Variants in ASAP1 observed in about 807,000 individuals in gnomAD.
ASAP1 encodes ArfGAP with SH3 domain, ankyrin repeat and PH domain 1.
Under a neutral mutation model 145.2 loss-of-function variants are expected in ASAP1, and 43 were observed. That is an observed-to-expected ratio of 0.30 (90% CI 0.23 to 0.38). The LOEUF (loss-of-function observed/expected upper bound fraction) is 0.38, where lower values mean the gene tolerates loss of function less well. Among genes scored for constraint, ASAP1 ranks in the 10% least tolerant of loss-of-function variants. ASAP1 has a pLI of 1.00. For missense variants in ASAP1, 1,018 were observed against 1,355.3 expected (o/e 0.75, Z 3.91); for synonymous variants, 546 against 515.5 (o/e 1.06, Z -0.80).
intron 3 of ASAP1, among the ~76,000 whole-genome samples, chr8:130,261,078 C>T (rs770196455): frequency 2.6e-5 from 4 of 152,052 alleles, no homozygotes; most frequent in Non-Finnish European, 4.4e-5. Flanking sequence ...GTCACAGACC[C>T]CACTGTGAGG....
intron 29 of ASAP1, among the ~76,000 whole-genome samples, chr8:130,055,470 T>C (rs2097401869): frequency 6.6e-6 from 1 of 150,844 alleles, no homozygotes; most frequent in African/African-American, 2.4e-5. Context: ...CGGGGTACCA[T>C]ACTCAAATCA....
intron 1 of ASAP1, among the ~76,000 whole-genome samples, chr8:130,420,235 T>TACACAC (rs34138357): frequency 0.011 from 1,600 of 139,382 alleles, 34 homozygotes; most frequent in African/African-American, 0.04. Flanking sequence ...CATAATGAAA[T>TACACAC]ACACACACAC....
intron 2 of ASAP1, among the ~76,000 whole-genome samples, chr8:130,381,810 C>CA (rs1330042508): frequency 6.6e-6 from 1 of 152,192 alleles, no homozygotes; most frequent in African/African-American, 2.4e-5. Flanking sequence ...AGGGCCTTTG[C>CA]ACGTGCTGTT....
intron 13 of ASAP1, among the ~76,000 whole-genome samples, chr8:130,146,080 G>A (rs2097629306): frequency 6.7e-6 from 1 of 149,490 alleles, no homozygotes; most frequent in Non-Finnish European, 1.5e-5. Flanking sequence ...TCCAAGTCCT[G>A]GACTTAAGCC....
At chr8:130,419,678 C>T (rs7814745) in intron 1 of ASAP1, among the ~76,000 whole-genome samples, 145,799 of 152,014 alleles carry the variant, frequency 0.96, 70,137 homozygotes, top group Non-Finnish European at 1. Context: ...AGGGTGGTTT[C>T]AGCAACAGGG....
intron 28 of ASAP1, among the ~76,000 whole-genome samples, chr8:130,059,946 A>G (rs2097414337): frequency 2.0e-5 from 3 of 151,744 alleles, no homozygotes; most frequent in African/African-American, 7.3e-5. Context: ...AGGCGTAGTG[A>G]TATGTACCTT....
At chr8:130,152,303 A>T (rs2097648214) in intron 13 of ASAP1, among the ~76,000 whole-genome samples, 1 of 152,184 alleles carries the variant, frequency 6.6e-6, no homozygotes, top group Admixed American at 6.5e-5. Context: ...CATCTTTAAG[A>T]ACTGAAAAGA....
chr8:130,311,964 C>A (rs1443102686), intron 3 of ASAP1, among the ~76,000 whole-genome samples: 1 of 152,046 alleles, frequency 6.6e-6, no homozygotes, highest in Admixed American at 6.6e-5. Flanking sequence ...ATGAGAAGAT[C>A]CGAATTCAGC....
intron 11 of ASAP1, among the ~76,000 whole-genome samples, chr8:130,166,394 T>C (rs904598888): frequency 6.6e-6 from 1 of 152,212 alleles, no homozygotes; most frequent in Admixed American, 6.5e-5. Context: ...TTTATCCTTA[T>C]CATGAAGTCT....
intron 3 of ASAP1, among the ~76,000 whole-genome samples, chr8:130,342,197 A>G (rs1825429284): frequency 6.6e-6 from 1 of 152,162 alleles, no homozygotes; most frequent in South Asian, 2.1e-4. Context: ...GAGGATGAAG[A>G]AGGCAAATTG....
chr8:130,384,594 T>C (rs1372401427), intron 2 of ASAP1, among the ~76,000 whole-genome samples: 1 of 152,212 alleles, frequency 6.6e-6, no homozygotes, highest in Non-Finnish European at 1.5e-5. Context: ...TTCTTGAGCC[T>C]TGGCCTCCCG....
intron 24 of ASAP1, among the ~76,000 whole-genome samples, chr8:130,108,600 A>C (rs1035316190): frequency 3.9e-5 from 6 of 152,050 alleles, no homozygotes; most frequent in Admixed American, 1.3e-4. Context: ...GGAGTTCGTG[A>C]CCAGCCTGGC....
At chr8:130,423,364 CA>C (rs1447697014) in intron 1 of ASAP1, among the ~76,000 whole-genome samples, 5 of 152,174 alleles carry the variant, frequency 3.3e-5, no homozygotes, top group Non-Finnish European at 7.3e-5. Flanking sequence ...TGTATACTTG[CA>C]AAATTGCTCA....
chr8:130,328,280 C>T (rs932094932), intron 3 of ASAP1, among the ~76,000 whole-genome samples: 33 of 152,060 alleles, frequency 2.2e-4, no homozygotes, highest in African/African-American at 8.0e-4. Flanking sequence ...AAAACCAGGG[C>T]CAAGAGACCA....
chr8:130,277,313 C>T (rs902264225), intron 3 of ASAP1, among the ~76,000 whole-genome samples: 2 of 152,104 alleles, frequency 1.3e-5, no homozygotes, highest in African/African-American at 4.8e-5. Context: ...ACGAGGACAA[C>T]GGCTATAGGC....
chr8:130,419,141 C>A (rs1829612379), intron 1 of ASAP1, among the ~76,000 whole-genome samples: 1 of 152,136 alleles, frequency 6.6e-6, no homozygotes, highest in Non-Finnish European at 1.5e-5. Context: ...AGAAAAAAAC[C>A]GAGGCTTCAG....
chr8:130,367,923 A>C (rs957068939), intron 2 of ASAP1, among the ~76,000 whole-genome samples: 2 of 152,212 alleles, frequency 1.3e-5, no homozygotes, highest in Admixed American at 1.3e-4. Context: ...TAACCATGTC[A>C]AATGTAGGGC....
chr8:130,283,587 G>GAAAAAAAAAAAAAAAAAAAAA (rs71304303), intron 3 of ASAP1, among the ~76,000 whole-genome samples: 8 of 20,872 alleles, frequency 3.8e-4, no homozygotes, highest in African/African-American at 1.4e-3. Flanking sequence ...ATCACAGAAA[G>GAAAAAAAAAAAAAAAAAAAAA]AAAAAAAAAA....
chr8:130,099,581 T>C (rs900292182), intron 24 of ASAP1, among the ~76,000 whole-genome samples: 1 of 151,912 alleles, frequency 6.6e-6, no homozygotes, highest in African/African-American at 2.4e-5. Flanking sequence ...CCCACATGAG[T>C]GAGAACATGC....
Sources: allele counts gnomAD v4.1 joint callset (sites outside exome capture counted in the v4.1 genomes callset), GRCh38; gene constraint gnomAD v4.1.1; transcripts MANE v1.5; gene names NCBI Gene and HGNC (gene_info 2026-07-23, HGNC 2026-07-21).